The following ENTPD1 variants were observed in gnomAD, a reference collection of about 807,000 sequenced individuals.
ENTPD1 encodes ectonucleoside triphosphate diphosphohydrolase 1.
ENTPD1 carries 33 observed loss-of-function variants against 57.0 expected under a neutral mutation model. The observed-to-expected ratio is 0.58, with a 90% CI of 0.44 to 0.77. The LOEUF (loss-of-function observed/expected upper bound fraction) is 0.77, where lower values mean the gene tolerates loss of function less well. Among genes scored for constraint, ENTPD1 ranks in the 30% least tolerant of loss-of-function variants. ENTPD1 has a pLI of 0.00. For synonymous variants in ENTPD1, 202 were observed against 218.8 expected, an observed-to-expected ratio of 0.92 and a Z score of 0.68; for missense variants, 501 against 603.4, an observed-to-expected ratio of 0.83 and a Z score of 1.78.
chr10:95,866,105 A>G (rs2098473971), intron 9 of ENTPD1, 72 bp from the exon 10 acceptor site: 8 of 1,545,270 alleles, frequency 5.2e-6, no homozygotes, highest in South Asian at 4.7e-5. Flanking sequence ...GCATGATCCA[A>G]TAATTCTAAG....
rs1456681954 is a variant in ENTPD1, at chr10:95,867,858, C to A, written c.*1475C>A. 1.8e-5 allele frequency: 18 copies of A among 985,304 alleles called. No individual in the cohort carries two copies. The highest frequency in any genetic ancestry group is 2.2e-5 in the Non-Finnish European group (18 of 829,928). 61.0% of individuals were successfully genotyped at this position (985,304 alleles called of 1,614,324 possible). A position where few individuals can be genotyped will look rare whatever the true frequency, so the allele number is the denominator to read the frequency against. Reference sequence around the variant, plus strand: ...TCCCCTATCTCTTGAATGATCAAGTCACTTTTGACAACATCCAGGTGAATA... The same window carrying A: ...TCCCCTATCTCTTGAATGATCAAGTAACTTTTGACAACATCCAGGTGAATA... On this transcript the variant is annotated 3_prime_UTR_variant, in exon 10 of 10. Coordinates refer to ENST00000371205, the MANE Select transcript of ENTPD1 (RefSeq NM_001776.6).
Position 95,726,775 on chromosome 10 carries a change from A to G in ENTPD1, c.37+14782A>G, listed in dbSNP as rs912165065. 3.9e-5 allele frequency among the ~76,000 whole-genome samples: 6 copies of G among 152,180 alleles called. 1 individual carries two copies. Among genetic ancestry groups the G allele is most frequent in the Admixed American group, 3.3e-4 (5 of 15,288 alleles). On this transcript the variant is annotated intron_variant, in intron 1 of 9. Coordinates refer to the ENTPD1 transcript ENST00000453258. ...GCATTTTGGGGGGTTTATCTCTGAG[A>G]GGGTTCACTCAGTTTCTTGAATTTT...
chr10:95,754,605 C>CA (rs1282771591), upstream of ENTPD1: 1 of 152,060 alleles, frequency 6.6e-6, no homozygotes, highest in South Asian at 2.1e-4. Context: ...TTGGTTTTTA[C>CA]AAAAAATCCC....
intron 1 of ENTPD1, among the ~76,000 whole-genome samples, chr10:95,744,330 T>A (rs1384982624): frequency 6.6e-6 from 1 of 152,200 alleles, no homozygotes; most frequent in East Asian, 1.9e-4. Context: ...CCTGTAGACT[T>A]TACTCACATC....
chr10:95,838,462 A>ACTT (rs1254906358), intron 2 of ENTPD1, among the ~76,000 whole-genome samples: 1 of 152,276 alleles, frequency 6.6e-6, no homozygotes, highest in East Asian at 1.9e-4. Context: ...ATAATGAAAT[A>ACTT]CTTTGCAGTG....
chr10:95,698,980 C>A, the ENTPD1 span, among the ~76,000 whole-genome samples: 1 of 151,962 alleles, frequency 6.6e-6, no homozygotes, highest in Non-Finnish European at 1.5e-5. Flanking sequence ...AAAGAAAAAA[C>A]CCAGCAAACA....
chr10:95,713,004 A>T (rs2097967473), intron 1 of ENTPD1, among the ~76,000 whole-genome samples: 1 of 150,054 alleles, frequency 6.7e-6, no homozygotes, highest in African/African-American at 2.4e-5. Context: ...GCTGCACTCC[A>T]GACTGGGCGA....
intron 2 of ENTPD1, 44 bp downstream of exon 2, chr10:95,823,408 A>C (rs2098361241): frequency 1.2e-6 from 2 of 1,612,112 alleles, no homozygotes. Flanking sequence ...GTAAGAGGAG[A>C]TCTGGGTGGG....
Position 95,869,169 on chromosome 10 carries a change from G to T in ENTPD1, c.*2786G>T. On this transcript the variant is annotated 3_prime_UTR_variant, in exon 10 of 10. Transcript: ENST00000371205. ...GTTCCTTTATGAGGAACCTTTTAAAGATTCCTTTATAAGGTGGGAGTTTTT... is the reference window on the plus strand; with the variant it reads ...GTTCCTTTATGAGGAACCTTTTAAATATTCCTTTATAAGGTGGGAGTTTTT... The T allele has an allele frequency of 1.0e-6, 1 of 982,258 alleles. No homozygotes were observed. Among genetic ancestry groups the T allele is most frequent in the Non-Finnish European group, 1.2e-6 (1 of 829,390 alleles). 60.8% of individuals were successfully genotyped at this position (982,258 alleles called of 1,614,324 possible). A position where few individuals can be genotyped will look rare whatever the true frequency, so the allele number is the denominator to read the frequency against.
At chr10:95,746,452 A>G (rs2098006183) in intron 1 of ENTPD1, among the ~76,000 whole-genome samples, 1 of 152,198 alleles carries the variant, frequency 6.6e-6, no homozygotes, top group African/African-American at 2.4e-5. Context: ...CTCTAAAATC[A>G]TCTTGGCCTT....
chr10:95,790,018 T>A (rs1396727868), intron 1 of ENTPD1, among the ~76,000 whole-genome samples: 1 of 152,190 alleles, frequency 6.6e-6, no homozygotes, highest in Non-Finnish European at 1.5e-5. Flanking sequence ...AATAACAACA[T>A]GGGACCCATT....
chr10:95,743,321 A>G (rs1460832741), intron 1 of ENTPD1, among the ~76,000 whole-genome samples: 1 of 152,196 alleles, frequency 6.6e-6, no homozygotes, highest in Non-Finnish European at 1.5e-5. Context: ...ATGTGTTATC[A>G]ACATGATTTA....
chr10:95,775,828 T>TTCAC, intron 1 of ENTPD1, among the ~76,000 whole-genome samples: 6 of 152,208 alleles, frequency 3.9e-5, no homozygotes, highest in African/African-American at 1.4e-4. Context: ...TGCTCCTGTA[T>TTCAC]TGGGTGCATA....
chr10:95,865,880 C>T (rs538742764), intron 9 of ENTPD1, among the ~76,000 whole-genome samples: 10 of 152,138 alleles, frequency 6.6e-5, no homozygotes, highest in African/African-American at 2.4e-4. Context: ...TGATCCTCCC[C>T]ACCCAGGCTC....
intron 5 of ENTPD1, chr10:95,844,891 A>G: frequency 1.8e-6 from 1 of 555,952 alleles, no homozygotes; most frequent in South Asian, 2.0e-5. Context: ...TTAAAAATTT[A>G]TCATTAAAAA....
chr10:95,713,484 T>G (rs1477158482), intron 1 of ENTPD1, among the ~76,000 whole-genome samples: 1 of 152,240 alleles, frequency 6.6e-6, no homozygotes, highest in Non-Finnish European at 1.5e-5. Context: ...ATTAAAATCC[T>G]TTGTACACTC....
At chr10:95,824,385 GC>G (rs1470821646) in intron 2 of ENTPD1, among the ~76,000 whole-genome samples, 1 of 152,192 alleles carries the variant, frequency 6.6e-6, no homozygotes, top group African/African-American at 2.4e-5. Flanking sequence ...TGAAACTTTT[GC>G]CATCCACCCA....
upstream of ENTPD1, among the ~76,000 whole-genome samples, chr10:95,707,728 C>T (rs548706692): frequency 4.6e-5 from 7 of 152,312 alleles, no homozygotes; most frequent in Admixed American, 3.9e-4. Flanking sequence ...CTTCAGCCTC[C>T]TGAGTAGCTG....
chr10:95,745,182 T>A (rs893105386), intron 1 of ENTPD1, among the ~76,000 whole-genome samples: 10 of 152,270 alleles, frequency 6.6e-5, no homozygotes, highest in East Asian at 1.9e-4. Context: ...TTACTTTTTT[T>A]AAATGTTTTT....
Sources: allele counts gnomAD v4.1 joint callset (sites outside exome capture counted in the v4.1 genomes callset), GRCh38; gene constraint gnomAD v4.1.1; transcripts MANE v1.5; gene names NCBI Gene and HGNC (gene_info 2026-07-23, HGNC 2026-07-21).